The following SPIN1 variants were observed in gnomAD, a reference collection of about 807,000 sequenced individuals.
The protein encoded by SPIN1 is spindlin-1.
Under a neutral mutation model 26.0 loss-of-function variants are expected in SPIN1, and 3 were observed. The ratio of observed to expected loss-of-function variants is 0.12; its 90% CI spans 0.05 to 0.30. The LOEUF is 0.30. Among genes scored for constraint, SPIN1 ranks in the 10% least tolerant of loss-of-function variants. The probability of loss-of-function intolerance (pLI) is 1.00; values close to 1 mark genes in which losing one functional copy is unlikely to be tolerated. For missense variants in SPIN1, 126 were observed against 333.4 expected (o/e 0.38, Z 4.84); for synonymous variants, 101 against 116.5 (o/e 0.87, Z 0.86).
Position 88,417,116 on chromosome 9 carries a change from T to C in SPIN1, c.-158-9266T>C, listed in dbSNP as rs1827582386. On this transcript the variant is annotated intron_variant, in intron 1 of 5. Transcript: ENST00000375859. ...AAGGTTGTTATTCTTTGTAACTACA[T>C]GCCATATTTAAGAAAGCTAATTAGC... Among the ~76,000 whole-genome samples, 3 of 152,370 alleles carry C rather than the reference T, an allele frequency of 2.0e-5. No individual in the cohort carries two copies. In the South Asian group the frequency reaches 6.2e-4, roughly 32 times the overall value.
At chr9:88,440,018 TATC>T (rs1828086533) in intron 2 of SPIN1, among the ~76,000 whole-genome samples, 1 of 152,200 alleles carries the variant, frequency 6.6e-6, no homozygotes. Flanking sequence ...ATGTTACTAT[TATC>T]TGTTCTTTGC....
rs142014794 is a variant in SPIN1 at position 88,390,902 on chromosome 9, A to C, written c.-159+2364A>C. 1.3e-4 allele frequency among the ~76,000 whole-genome samples: 20 copies of C among 152,280 alleles called. No individual in the cohort carries two copies. In the East Asian group the frequency reaches 3.7e-3, roughly 28 times the overall value. ...TATGTCAGTTTTATTTTCTCTGTACACACATTTGTTACTGAAAATTGCAAA... is the reference window on the plus strand; with the variant it reads ...TATGTCAGTTTTATTTTCTCTGTACCCACATTTGTTACTGAAAATTGCAAA... On this transcript the variant is annotated intron_variant, in intron 1 of 5. Transcript: ENST00000375859.
intron 2 of SPIN1, among the ~76,000 whole-genome samples, chr9:88,430,577 AC>A (rs1451667050): frequency 1.3e-5 from 2 of 152,020 alleles, no homozygotes; most frequent in African/African-American, 4.8e-5. Flanking sequence ...ATCTGCCATG[AC>A]CCCCAGTACC....
intron 1 of SPIN1, among the ~76,000 whole-genome samples, chr9:88,398,174 G>T (rs1328479757): frequency 6.6e-6 from 1 of 151,288 alleles, no homozygotes; most frequent in Non-Finnish European, 1.5e-5. Flanking sequence ...CAGTGTACCT[G>T]CCTCAGCCTC....
intron 3 of SPIN1, among the ~76,000 whole-genome samples, chr9:88,449,301 C>T (rs918283074): frequency 6.6e-6 from 1 of 152,016 alleles, no homozygotes; most frequent in Non-Finnish European, 1.5e-5. Context: ...CTTGGAATGC[C>T]TGTGTGAGCC....
chr9:88,411,963 A>T (rs1351177874), intron 1 of SPIN1, among the ~76,000 whole-genome samples: 6 of 151,696 alleles, frequency 4.0e-5, no homozygotes, highest in Non-Finnish European at 7.4e-5. Flanking sequence ...CGAGGTCAGG[A>T]GATCGAGACC....
At chr9:88,414,870 G>A (rs1827527072) in intron 1 of SPIN1, among the ~76,000 whole-genome samples, 1 of 151,980 alleles carries the variant, frequency 6.6e-6, no homozygotes, top group Non-Finnish European at 1.5e-5. Flanking sequence ...ATTAAAACTT[G>A]GTGTTTTGAT....
At chr9:88,425,196 G>A (rs1827741645) in intron 1 of SPIN1, among the ~76,000 whole-genome samples, 1 of 152,120 alleles carries the variant, frequency 6.6e-6, no homozygotes, top group African/African-American at 2.4e-5. Flanking sequence ...ATAGGTCTGA[G>A]TGGGAAGAGA....
At chr9:88,467,933 A>C (rs1317652876) in intron 4 of SPIN1, among the ~76,000 whole-genome samples, 1 of 151,948 alleles carries the variant, frequency 6.6e-6, no homozygotes, top group Non-Finnish European at 1.5e-5. Flanking sequence ...GTAAGATGCT[A>C]ATACAGGAGA....
Position 88,451,889 on chromosome 9 carries a change from G to A in SPIN1, c.101+2900G>A, listed in dbSNP as rs544020896. The stretch of plus-strand genomic sequence containing the variant: ...AAGTACATCTTGGAGGGAAAATATA[G>A]TTGGGGGAGTGTCTAAGACAAATTT... On this transcript the variant is annotated intron_variant, in intron 3 of 5. Coordinates refer to ENST00000375859, the MANE Select transcript of SPIN1 (RefSeq NM_006717.3). Among the ~76,000 whole-genome samples, 9 of 152,262 alleles carry A rather than the reference G, an allele frequency of 5.9e-5. No individual in the cohort carries two copies. In the South Asian group the frequency reaches 1.9e-3, roughly 32 times the overall value.
At chr9:88,389,103 G>C (rs1372795715) in intron 1 of SPIN1, among the ~76,000 whole-genome samples, 7 of 152,106 alleles carry the variant, frequency 4.6e-5, no homozygotes, top group Non-Finnish European at 8.8e-5. Flanking sequence ...CCGGGGGATG[G>C]CCGCGGACCT....
Position 88,441,427 on chromosome 9 carries a change from GCCCA to G in SPIN1, c.53-7513_53-7510del, listed in dbSNP as rs1182226419. Among the ~76,000 whole-genome samples, 46 of 148,714 alleles carry G rather than the reference GCCCA, an allele frequency of 3.1e-4. 2 individuals carry two copies. Among genetic ancestry groups the G allele is most frequent in the African/African-American group, 7.4e-4 (29 of 39,314 alleles). On this transcript the variant is annotated intron_variant, in intron 2 of 5. Coordinates refer to ENST00000375859, the MANE Select transcript of SPIN1 (RefSeq NM_006717.3). ...TGTGTGTGTGTGTGCGCGCGCGCGC[GCCCA>G]TGTGTGTGTACATACATTGTTGCTC...
intron 1 of SPIN1, chr9:88,415,471 A>T (rs1050228742): frequency 6.6e-6 from 1 of 152,196 alleles, no homozygotes; most frequent in Non-Finnish European, 1.5e-5. Context: ...CACCCAGTGC[A>T]GTGATGCCAT....
chr9:88,388,863 G>C (rs1826850123), intron 1 of SPIN1, among the ~76,000 whole-genome samples: 2 of 151,038 alleles, frequency 1.3e-5, no homozygotes, highest in Admixed American at 1.3e-4. Flanking sequence ...CGGCCCCTTA[G>C]CGCGCGCTTT....
At chr9:88,416,002 C>T (rs1331637564) in intron 1 of SPIN1, among the ~76,000 whole-genome samples, 5 of 151,576 alleles carry the variant, frequency 3.3e-5, no homozygotes, top group Middle Eastern at 3.2e-3. Flanking sequence ...GTGATCTGCC[C>T]GCCTTGGCCT....
At chr9:88,391,108 C>A (rs1479214994) in intron 1 of SPIN1, among the ~76,000 whole-genome samples, 2 of 152,132 alleles carry the variant, frequency 1.3e-5, no homozygotes, top group Non-Finnish European at 2.9e-5. Flanking sequence ...ACACATAGGA[C>A]ACTTAGGACC....
intron 2 of SPIN1, among the ~76,000 whole-genome samples, chr9:88,427,496 C>G (rs1378388700): frequency 6.6e-6 from 1 of 152,116 alleles, no homozygotes; most frequent in Admixed American, 6.6e-5. Context: ...AGAGCTTACT[C>G]AGAATCCTAG....
chr9:88,394,329 A>G (rs966942409), intron 1 of SPIN1, among the ~76,000 whole-genome samples: 4 of 152,162 alleles, frequency 2.6e-5, no homozygotes, highest in Admixed American at 2.6e-4. Context: ...CCAAATACCT[A>G]TCAACCGAGT....
chr9:88,470,583 T>C (rs1031506967), intron 5 of SPIN1, among the ~76,000 whole-genome samples: 14 of 142,390 alleles, frequency 9.8e-5, no homozygotes. Context: ...ATCTTTCATA[T>C]GCTTATTGGC....
Sources: gnomAD v4.1 joint callset for allele counts (sites outside exome capture counted in the v4.1 genomes callset) on GRCh38, gnomAD v4.1.1 for gene constraint, MANE v1.5 for transcripts, NCBI Gene and HGNC (gene_info 2026-07-23, HGNC 2026-07-21) for gene names.